The following SKIC3 variants were observed in gnomAD, a reference collection of about 807,000 sequenced individuals.
SKIC3 encodes superkiller complex protein 3.
chr5:95,542,678 C>T, the SKIC3 span, among the ~76,000 whole-genome samples: 110 of 152,206 alleles, frequency 7.2e-4, 1 homozygote, highest in Non-Finnish European at 1.3e-3. Context: ...CCTACTACAT[C>T]GTATTAATCA....
chr5:95,490,794 G>A, the SKIC3 span: 24 of 1,382,156 alleles, frequency 1.7e-5, no homozygotes, highest in African/African-American at 1.2e-4. Context: ...CACCATGCCC[G>A]GCCTAATGAA....
At chr5:95,527,531 G>GT in the SKIC3 span, among the ~76,000 whole-genome samples, 3 of 152,066 alleles carry the variant, frequency 2.0e-5, no homozygotes, top group Non-Finnish European at 1.5e-5. Context: ...ACCAGTTATA[G>GT]TTTTTTTCAC....
the SKIC3 span, among the ~76,000 whole-genome samples, chr5:95,472,750 C>G: frequency 6.6e-6 from 1 of 152,016 alleles, no homozygotes; most frequent in Non-Finnish European, 1.5e-5. Flanking sequence ...GTTTATCAAT[C>G]CCTGTCCCAC....
chr5:95,468,942 A>T, the SKIC3 span, among the ~76,000 whole-genome samples: 1 of 152,208 alleles, frequency 6.6e-6, no homozygotes, highest in Non-Finnish European at 1.5e-5. Context: ...ACACATAAAA[A>T]TGGCCCCAAA....
the SKIC3 span, among the ~76,000 whole-genome samples, chr5:95,505,815 C>CCA: frequency 2.6e-5 from 3 of 113,472 alleles, no homozygotes; most frequent in African/African-American, 3.4e-5. Flanking sequence ...TCTGTCCCCC[C>CCA]AAAAAAAAAA....
At chr5:95,487,356 C>T in the SKIC3 span, among the ~76,000 whole-genome samples, 1 of 152,154 alleles carries the variant, frequency 6.6e-6, no homozygotes, top group African/African-American at 2.4e-5. Flanking sequence ...TACACCAATG[C>T]TGCCATTCCT....
the SKIC3 span, among the ~76,000 whole-genome samples, chr5:95,524,790 A>C: frequency 2.0e-5 from 3 of 152,242 alleles, no homozygotes; most frequent in East Asian, 5.8e-4. Flanking sequence ...ATCTTAAAAA[A>C]GCACAGTGGC....
the SKIC3 span, among the ~76,000 whole-genome samples, chr5:95,488,521 A>G: frequency 6.6e-6 from 1 of 152,200 alleles, no homozygotes; most frequent in African/African-American, 2.4e-5. Flanking sequence ...AGAGAATAAG[A>G]TAATATATCC....
At chr5:95,472,445 G>T in the SKIC3 span, among the ~76,000 whole-genome samples, 22 of 152,110 alleles carry the variant, frequency 1.4e-4, no homozygotes, top group Admixed American at 5.9e-4. Flanking sequence ...CTGTTTATAT[G>T]CTTCTAGACA....
At chr5:95,521,482 C>T in the SKIC3 span, 1 of 147,992 alleles carries the variant, frequency 6.8e-6, no homozygotes, top group African/African-American at 2.5e-5. Flanking sequence ...GAAAAACAAA[C>T]AGAAAAAAAA....
At chr5:95,467,383 A>G in the SKIC3 span, among the ~76,000 whole-genome samples, 1 of 152,092 alleles carries the variant, frequency 6.6e-6, no homozygotes, top group Non-Finnish European at 1.5e-5. Flanking sequence ...ACTGATCACG[A>G]CCCCAAGGTT....
At chr5:95,498,334 A>G in the SKIC3 span, 2 of 1,581,300 alleles carry the variant, frequency 1.3e-6, no homozygotes, top group Non-Finnish European at 8.7e-7. Flanking sequence ...CATATCAAGT[A>G]TAATTAGGTT....
At chr5:95,478,477 T>C in the SKIC3 span, 1 of 1,613,266 alleles carries the variant, frequency 6.2e-7, no homozygotes, top group Non-Finnish European at 8.5e-7. Context: ...GGCAAAGGAT[T>C]TTAGTTTATT....
chr5:95,473,881 A>G, the SKIC3 span, among the ~76,000 whole-genome samples: 2 of 152,164 alleles, frequency 1.3e-5, no homozygotes, highest in Non-Finnish European at 2.9e-5. Context: ...CTCTGTACAT[A>G]GTTTCTTTTG....
At chr5:95,482,136 C>A in the SKIC3 span, among the ~76,000 whole-genome samples, 1 of 152,132 alleles carries the variant, frequency 6.6e-6, no homozygotes, top group Non-Finnish European at 1.5e-5. Context: ...ATACATATCT[C>A]CTGTAAAAGC....
At chr5:95,526,371 G>A in the SKIC3 span, among the ~76,000 whole-genome samples, 2 of 151,250 alleles carry the variant, frequency 1.3e-5, no homozygotes, top group Admixed American at 1.3e-4. Flanking sequence ...TTGGTTCCCT[G>A]TATTTTCTGT....
At chr5:95,524,580 G>C in the SKIC3 span, 1 of 1,613,392 alleles carries the variant, frequency 6.2e-7, no homozygotes, top group Non-Finnish European at 8.5e-7. Context: ...TTTCTCAAGA[G>C]CTCTCTGAAA....
chr5:95,537,096 G>A, the SKIC3 span: 4 of 1,613,420 alleles, frequency 2.5e-6, no homozygotes, highest in Non-Finnish European at 2.5e-6. Context: ...TCTTCACTAG[G>A]AATCTTATCT....
chr5:95,526,301 TCA>T, the SKIC3 span, among the ~76,000 whole-genome samples: 4 of 152,098 alleles, frequency 2.6e-5, no homozygotes, highest in Non-Finnish European at 4.4e-5. Flanking sequence ...GGCCTATTTG[TCA>T]CAGTTTCTCA....
Sources: allele counts gnomAD v4.1 joint callset (sites outside exome capture counted in the v4.1 genomes callset), GRCh38; gene constraint gnomAD v4.1.1; transcripts MANE v1.5; gene names NCBI Gene and HGNC (gene_info 2026-07-23, HGNC 2026-07-21).